The following DLC1 variants were observed in gnomAD, a reference collection of about 807,000 sequenced individuals.
DLC1 encodes the protein rho GTPase-activating protein 7.
In DLC1, 54 loss-of-function variants were observed where a neutral mutation model predicts 140.3. The ratio of observed to expected loss-of-function variants is 0.38; its 90% confidence interval spans 0.31 to 0.48. The LOEUF is 0.48. DLC1 is among the 20% of genes least tolerant of loss of function. The probability of loss-of-function intolerance (pLI) is 0.96; values close to 1 mark genes in which losing one functional copy is unlikely to be tolerated. For synonymous variants in DLC1, 986 were observed against 728.1 expected, an observed-to-expected ratio of 1.35 and a Z score of -5.70; for missense variants, 2,536 against 1,907.0, an observed-to-expected ratio of 1.33 and a Z score of -6.14.
At chr8:13,320,116 T>G (rs1362944455) in intron 4 of DLC1, among the ~76,000 whole-genome samples, 2 of 152,174 alleles carry the variant, frequency 1.3e-5, no homozygotes, top group Admixed American at 1.3e-4. Flanking sequence ...TGGCCCATTA[T>G]TTAATTCTAT....
intron 4 of DLC1, among the ~76,000 whole-genome samples, chr8:13,316,664 T>C: frequency 6.6e-6 from 1 of 152,064 alleles, no homozygotes; most frequent in East Asian, 1.9e-4. Context: ...TTGGAACTGG[T>C]TGTGACTTTT....
At chr8:13,441,963 G>A (rs925399953) in intron 2 of DLC1, among the ~76,000 whole-genome samples, 2 of 152,104 alleles carry the variant, frequency 1.3e-5, no homozygotes, top group Non-Finnish European at 2.9e-5. Context: ...TATACTACAA[G>A]GCTACAGTAA....
rs932512095 is a variant in DLC1 at position 13,404,922 on chromosome 8, G to A, written c.1024-3303C>T. ...TTGGGAGTCCTGAGGCAAGAGAGTC[G>A]CTTGAACCTGGGAGGCAGAGGCAGC... On this transcript the variant is annotated intron_variant, in intron 2 of 17. Coordinates refer to ENST00000276297, the MANE Select transcript of DLC1 (RefSeq NM_182643.3). 5.3e-5 allele frequency among the ~76,000 whole-genome samples: 8 copies of A among 152,090 alleles called. No individual in the cohort carries two copies. The East Asian group carries it at 5.8e-4, about 11-fold the overall frequency.
chr8:13,547,325 C>T (rs1483445539), intron 1 of DLC1, among the ~76,000 whole-genome samples: 1 of 151,838 alleles, frequency 6.6e-6, no homozygotes, highest in Non-Finnish European at 1.5e-5. Flanking sequence ...ATCAAATGAC[C>T]GTCATATAGA....
chr8:13,604,044 T>C (rs914848077), intron 1 of DLC1, among the ~76,000 whole-genome samples: 1 of 152,134 alleles, frequency 6.6e-6, no homozygotes, highest in Non-Finnish European at 1.5e-5. Flanking sequence ...CTAATCAACA[T>C]AACTGTAAAC....
intron 5 of DLC1, among the ~76,000 whole-genome samples, chr8:13,221,858 T>C (rs1015902009): frequency 4.2e-5 from 6 of 144,366 alleles, no homozygotes; most frequent in East Asian, 2.0e-4. Flanking sequence ...TATATTAATA[T>C]ATTAATAAAA....
intron 4 of DLC1, among the ~76,000 whole-genome samples, chr8:13,371,707 C>G (rs1424755513): frequency 2.0e-5 from 3 of 152,164 alleles, no homozygotes; most frequent in African/African-American, 7.2e-5. Context: ...AGCTAATTCC[C>G]TCAGAAAGAA....
chr8:13,210,103 A>G (rs1171532086), intron 5 of DLC1, among the ~76,000 whole-genome samples: 2 of 152,180 alleles, frequency 1.3e-5, no homozygotes, highest in East Asian at 1.9e-4. Context: ...TCAAATTTCT[A>G]TAGTTAAATG....
At chr8:13,563,792 A>G (rs1458467946) in intron 1 of DLC1, among the ~76,000 whole-genome samples, 2 of 152,214 alleles carry the variant, frequency 1.3e-5, no homozygotes, top group African/African-American at 4.8e-5. Flanking sequence ...AAAACTAGAA[A>G]TACCTTGCAT....
Position 13,380,667 on chromosome 8 carries a change from G to A in DLC1, c.1314+12886C>T, listed in dbSNP as rs140774741. On this transcript the variant is annotated intron_variant, in intron 4 of 17. Coordinates refer to ENST00000276297, the MANE Select transcript of DLC1 (RefSeq NM_182643.3). Reference sequence around the variant, plus strand: ...TCAGATGGCAGCAGAGATGAAATGTGCTCCTGGTATTCATAATCACAGCTC... The same window carrying A: ...TCAGATGGCAGCAGAGATGAAATGTACTCCTGGTATTCATAATCACAGCTC... Among the ~76,000 whole-genome samples, 74 of 152,298 alleles carry A rather than the reference G, an allele frequency of 4.9e-4. No individual in the cohort carries two copies. The East Asian group carries it at 0.012, about 25-fold the overall frequency.
intron 16 of DLC1, among the ~76,000 whole-genome samples, chr8:13,087,266 A>C (rs1416196320): frequency 6.6e-6 from 1 of 152,170 alleles, no homozygotes; most frequent in Non-Finnish European, 1.5e-5. Flanking sequence ...GCCAGGTGTG[A>C]TGGCACATGC....
chr8:13,579,351 AT>A lies in DLC1; in HGVS notation c.-126+25185del, dbSNP rs1563454020. 4.9e-4 allele frequency among the ~76,000 whole-genome samples: 15 copies of A among 30,324 alleles called. 2 individuals are homozygous for A. The highest frequency in any genetic ancestry group is 1.8e-3 in the African/African-American group (12 of 6,624). The allele number at this position is 30,324 out of a possible 152,430, so 19.9% of individuals were successfully genotyped here. On this transcript the variant is annotated intron_variant, in intron 1 of 1. Coordinates refer to the DLC1 transcript ENST00000631382. The stretch of plus-strand genomic sequence containing the variant: ...TATATATATATATATATATATATAT[AT>A]ATATATATATTTTTATATAATACAT...
Position 13,084,423 on chromosome 8 carries a change from C to A in DLC1, c.*1388G>T, listed in dbSNP as rs1459070119. On this transcript the variant is annotated 3_prime_UTR_variant, in exon 18 of 18. Coordinates refer to ENST00000276297, the MANE Select transcript of DLC1 (RefSeq NM_182643.3). Reference sequence around the variant, plus strand: ...ATACATTATTCACTTTTGATCCATACACAATAAATTTACTAATACTGTCTC... The same window carrying A: ...ATACATTATTCACTTTTGATCCATAAACAATAAATTTACTAATACTGTCTC... 1 of 152,500 alleles carries A rather than the reference C, an allele frequency of 6.6e-6. No homozygotes were observed. Among genetic ancestry groups the A allele is most frequent in the African/African-American group, 2.4e-5 (1 of 41,410 alleles). 9.4% of individuals were successfully genotyped at this position (152,500 alleles called of 1,614,324 possible).
intron 5 of DLC1, among the ~76,000 whole-genome samples, chr8:13,151,474 C>G (rs776611365): frequency 1.3e-5 from 2 of 152,158 alleles, no homozygotes; most frequent in Non-Finnish European, 2.9e-5. Context: ...GGGATTCAGG[C>G]TCTAAAGCCT....
At chr8:13,406,470 C>G (rs528821417) in intron 2 of DLC1, among the ~76,000 whole-genome samples, 4 of 152,300 alleles carry the variant, frequency 2.6e-5, no homozygotes, top group East Asian at 1.9e-4. Flanking sequence ...CTGCCTTACT[C>G]TAACTTCTCA....
At chr8:13,187,909 T>C (rs1364669950) in intron 5 of DLC1, among the ~76,000 whole-genome samples, 1 of 152,168 alleles carries the variant, frequency 6.6e-6, no homozygotes, top group Non-Finnish European at 1.5e-5. Context: ...CACTTTCTTA[T>C]ATAAGAAGAC....
At chr8:13,460,903 G>T (rs573017042) in intron 2 of DLC1, among the ~76,000 whole-genome samples, 16 of 152,204 alleles carry the variant, frequency 1.1e-4, no homozygotes, top group Non-Finnish European at 1.8e-4. Context: ...GGAAAAACAG[G>T]GTCCTGTGCG....
chr8:13,420,353 C>G (rs929649973), intron 2 of DLC1, among the ~76,000 whole-genome samples: 1 of 151,962 alleles, frequency 6.6e-6, no homozygotes, highest in African/African-American at 2.4e-5. Context: ...TAGAGACTTA[C>G]GCTACAGTAA....
intron 1 of DLC1, chr8:13,567,243 T>TA (rs1447138619): frequency 1.9e-6 from 3 of 1,551,098 alleles, no homozygotes; most frequent in African/African-American, 1.4e-5. Context: ...AGAAGTTGAG[T>TA]AAAAAATGGA....
Sources: gnomAD v4.1 joint callset for allele counts (sites outside exome capture counted in the v4.1 genomes callset) on GRCh38, gnomAD v4.1.1 for gene constraint, MANE v1.5 for transcripts, NCBI Gene and HGNC (gene_info 2026-07-23, HGNC 2026-07-21) for gene names.